OTUD4: variants seen among roughly 807,000 people sequenced by gnomAD.
The protein encoded by OTUD4 is OTU domain-containing protein 4.
Under a neutral mutation model 130.4 loss-of-function variants are expected in OTUD4, and 24 were observed. That is an observed-to-expected ratio of 0.18 (90% CI 0.13 to 0.26). The LOEUF (loss-of-function observed/expected upper bound fraction) is 0.26. Among genes scored for constraint, OTUD4 ranks in the 10% least tolerant of loss-of-function variants. The pLI, the probability that OTUD4 is intolerant of heterozygous loss-of-function variation, is 1.00. For synonymous variants in OTUD4, 420 were observed against 472.5 expected, an observed-to-expected ratio of 0.89 and a Z score of 1.44; for missense variants, 1,031 against 1,329.4, an observed-to-expected ratio of 0.78 and a Z score of 3.49.
At chr4:145,175,316 T>G (rs1275415185) in intron 1 of OTUD4, among the ~76,000 whole-genome samples, 1 of 117,766 alleles carries the variant, frequency 8.5e-6, no homozygotes, top group Admixed American at 8.1e-5. Context: ...AGAAAGAACA[T>G]CCAAGTAGGC....
At position 145,141,437 on chromosome 4, in the gene OTUD4, T is replaced by C. The variant is rs1240855826; in HGVS notation, c.2025A>G (p.Gly675=). Residue 675 remains glycine (G), a synonymous_variant, in exon 19 of 21, where the codon GGA becomes GGG. Transcript: ENST00000447906. ...LYPGFPCNEK[G]DRAIVPPYSL... Reference sequence around the variant, plus strand: ...AATAAGGTGGTACAATGGCTCGATCTCCCTTTTCATTACAAGGAAACCCAG... The same window carrying C: ...AATAAGGTGGTACAATGGCTCGATCCCCCTTTTCATTACAAGGAAACCCAG... The C allele has an allele frequency of 1.2e-6, 2 of 1,613,594 alleles. No individual in the cohort carries two copies. Among genetic ancestry groups the C allele is most frequent in the African/African-American group, 2.7e-5 (2 of 74,914 alleles).
Position 145,166,871 on chromosome 4 carries a change from T to C in OTUD4, c.295-1674A>G, listed in dbSNP as rs138198926. 2.5e-4 allele frequency among the ~76,000 whole-genome samples: 38 copies of C among 152,314 alleles called. No individual in the cohort carries two copies. The East Asian group carries it at 6.7e-3, about 27-fold the overall frequency. ...AATAATTCATGTTTCAGCCACACTA[T>C]AGAATATCATGCATTCATTCAAAAG... On this transcript the variant is annotated intron_variant, in intron 3 of 20. Coordinates refer to ENST00000447906, the MANE Select transcript of OTUD4 (RefSeq NM_001366057.1).
chr4:145,142,278 C>G lies in OTUD4; in HGVS notation c.1740G>C (p.Glu580Asp), dbSNP rs1398878661. ...SNPAPLLVSP[E>D]VHLTPAVPSL... is the part of the protein sequence containing the mutation. ...AAGGCACCGCAGGAGTTAGATGTAC[C>G]TCTGGAGAAACTAGAAGGGGAGCTG... is the stretch of plus-strand genomic sequence containing the variant. The change falls in exon 18 of 21, where the codon GAG becomes GAC. Residue 580 changes from glutamate (E) to aspartate (D), a missense_variant. Glu to Asp is a conservative substitution (Grantham distance 45). This residue lies in a region of OTUD4 where 900 missense variants were observed against 1,095.9 expected (regional missense o/e 0.82). Transcript: ENST00000447906. 1 of 1,613,864 alleles carries G rather than the reference C, an allele frequency of 6.2e-7. No homozygotes were observed. Among genetic ancestry groups the G allele is most frequent in the Admixed American group, 1.7e-5 (1 of 60,024 alleles).
rs905693301 is a variant in OTUD4, at chr4:145,164,009, T to G, written c.414+145A>C. 7.7e-6 allele frequency: 4 copies of G among 519,148 alleles called. No homozygotes were observed. The South Asian group carries it at 8.1e-5, about 11-fold the overall frequency. 32.2% of individuals were successfully genotyped at this position (519,148 alleles called of 1,614,324 possible). On this transcript the variant is annotated intron_variant, in intron 5 of 20. Coordinates refer to ENST00000447906, the MANE Select transcript of OTUD4 (RefSeq NM_001366057.1). ...AGGCATGAGCCACCGCACCCGGCTATAGGAACTTTTAAGAAATCAGAATAC... is the reference window on the plus strand; with the variant it reads ...AGGCATGAGCCACCGCACCCGGCTAGAGGAACTTTTAAGAAATCAGAATAC...
chr4:145,137,890 T>A lies in OTUD4; in HGVS notation c.2885A>T (p.His962Leu). Reference protein sequence around the residue: ...SIPPVAEGKAHPPTQILNRER... With the variant: ...SIPPVAEGKALPPTQILNRER... ...TCTGTTTAGAATCTGAGTGGGAGGA[T>A]GAGCCTTTCCCTCTGCTACAGGAGG... The change falls in exon 21 of 21, where the codon CAT becomes CTT. Residue 962 changes from histidine (H) to leucine (L), a missense_variant. His to Leu is a moderately conservative substitution (Grantham distance 99, BLOSUM62 -3). Around this residue, in one of 3 missense-constraint regions of OTUD4, gnomAD observed 900 missense variants for 1,095.9 expected, o/e 0.82. Coordinates refer to ENST00000447906, the MANE Select transcript of OTUD4 (RefSeq NM_001366057.1). The A allele has an allele frequency of 6.2e-7, 1 of 1,614,148 alleles. No individual in the cohort carries two copies. Among genetic ancestry groups the A allele is most frequent in the Non-Finnish European group, 8.5e-7 (1 of 1,180,028 alleles).
At chr4:145,169,897 C>G (rs1398791664) in intron 3 of OTUD4, among the ~76,000 whole-genome samples, 3 of 152,226 alleles carry the variant, frequency 2.0e-5, no homozygotes, top group African/African-American at 7.2e-5. Context: ...TGGAACACAG[C>G]AGTGAATAAA....
chr4:145,157,802 T>TA (rs766729476), intron 7 of OTUD4, among the ~76,000 whole-genome samples: 9 of 152,134 alleles, frequency 5.9e-5, no homozygotes, highest in Non-Finnish European at 1.2e-4. Flanking sequence ...CACATCTTCT[T>TA]ACACACCTGC....
rs778770072 is a variant in OTUD4, at chr4:145,137,524, C to T, written c.3251G>A (p.Gly1084Asp). ...TCTGACATTTCGATGGTACTGATAA[C>T]CTTCATCCCGACTTCTGCTTGGCTG... Reference protein sequence around the residue: ...KGQPSRSRDEGYQYHRNVRGR... With the variant: ...KGQPSRSRDEDYQYHRNVRGR... Residue 1084 changes from glycine to aspartate, a missense_variant, in exon 21 of 21, where the codon GGT becomes GAT. Transcript: ENST00000447906. 2 of 1,612,350 alleles carry T rather than the reference C, an allele frequency of 1.2e-6. No homozygotes were observed. The highest frequency in any genetic ancestry group is 1.1e-5 in the South Asian group (1 of 91,030).
Position 145,164,221 on chromosome 4 carries a change from T to A in OTUD4, c.347A>T (p.Asp116Val). 7.7e-7 allele frequency: 1 copy of A among 1,298,950 alleles called. No individual in the cohort carries two copies. Among genetic ancestry groups the A allele is most frequent in the Non-Finnish European group, 1.1e-6 (1 of 922,002 alleles). 80.5% of individuals were successfully genotyped at this position (1,298,950 alleles called of 1,614,324 possible). A position where few individuals can be genotyped will look rare whatever the true frequency, so the allele number is the denominator to read the frequency against. ...ISALSLMYRK[D>V]FIIYREPNVS... ...ATTTGGTTCCCGATAAATTATAAAA[T>A]CTTTCCTGAAAATAACAATTAGAAA... Residue 116 changes from aspartate to valine, a missense_variant, in exon 5 of 21, where the codon GAT becomes GTT. Coordinates refer to ENST00000447906, the MANE Select transcript of OTUD4 (RefSeq NM_001366057.1).
intron 1 of OTUD4, among the ~76,000 whole-genome samples, chr4:145,175,965 C>A (rs1330738045): frequency 6.6e-6 from 1 of 152,122 alleles, no homozygotes; most frequent in Non-Finnish European, 1.5e-5. Context: ...CTCACAAGTT[C>A]AAGCGATTCT....
In OTUD4 at chr4:145,162,741, G is replaced by A. The variant is rs374011130; in HGVS notation, c.415-20C>T. The A allele has an allele frequency of 6.8e-6, 9 of 1,326,780 alleles. No homozygotes were observed. The Admixed American group carries it at 8.0e-5, about 12-fold the overall frequency. 82.2% of individuals were successfully genotyped at this position (1,326,780 alleles called of 1,614,324 possible). Reference sequence around the variant, plus strand: ...TAACACCTGAAAGGGAAAAATAAAAGAAACATTTCAGCCCCTCATACATAT... The same window carrying A: ...TAACACCTGAAAGGGAAAAATAAAAAAAACATTTCAGCCCCTCATACATAT... On this transcript the variant is annotated intron_variant, in intron 5 of 20. Coordinates refer to ENST00000447906, the MANE Select transcript of OTUD4 (RefSeq NM_001366057.1).
intron 15 of OTUD4, 117 bp from the exon 16 acceptor site, chr4:145,144,118 G>A: frequency 2.8e-6 from 3 of 1,064,992 alleles, no homozygotes; most frequent in Non-Finnish European, 4.2e-6. Context: ...TGTTTAGTCA[G>A]TGAAAATGTA....
intron 16 of OTUD4, 51 bp downstream of exon 16, chr4:145,143,895 A>T: frequency 7.7e-7 from 1 of 1,295,946 alleles, no homozygotes; most frequent in Non-Finnish European, 1.1e-6. Flanking sequence ...CTACTGTACT[A>T]CACAGTATTA....
rs36227003 is a variant in OTUD4, at chr4:145,136,672, G to A, written c.*758C>T. On this transcript the variant is annotated 3_prime_UTR_variant, in exon 21 of 21. Coordinates refer to ENST00000447906, the MANE Select transcript of OTUD4 (RefSeq NM_001366057.1). The stretch of plus-strand genomic sequence containing the variant: ...AGTAGGCACCATGATATTTACACCA[G>A]TGCTAAGAATTCTTGGTGGAAACAG... The A allele has an allele frequency of 6.6e-6, 1 of 152,384 alleles. No individual in the cohort carries two copies. The highest frequency in any genetic ancestry group is 1.9e-4 in the East Asian group (1 of 5,190). 9.4% of individuals were successfully genotyped at this position (152,384 alleles called of 1,614,324 possible). A position where few individuals can be genotyped will look rare whatever the true frequency, so the allele number is the denominator to read the frequency against.
chr4:145,162,611 T>C, intron 6 of OTUD4, 29 bp downstream of exon 6: 1 of 1,101,824 alleles, frequency 9.1e-7, no homozygotes, highest in Non-Finnish European at 1.3e-6. Flanking sequence ...GGAATATAAT[T>C]TCCCATATAA....
At chr4:145,151,820 G>A (rs1052810092) in intron 11 of OTUD4, among the ~76,000 whole-genome samples, 1 of 152,050 alleles carries the variant, frequency 6.6e-6, no homozygotes, top group South Asian at 2.1e-4. Context: ...AAAGCCCAGC[G>A]GCAACTGAAA....
intron 11 of OTUD4, among the ~76,000 whole-genome samples, chr4:145,151,797 C>T (rs980199929): frequency 6.6e-6 from 1 of 152,076 alleles, no homozygotes; most frequent in Non-Finnish European, 1.5e-5. Context: ...GACTTACTAC[C>T]TTTTTCTCTA....
intron 2 of OTUD4, among the ~76,000 whole-genome samples, chr4:145,172,549 G>C (rs1257282862): frequency 6.6e-6 from 1 of 152,158 alleles, no homozygotes; most frequent in African/African-American, 2.4e-5. Flanking sequence ...ACTCATTTGA[G>C]AAATCTCTAA....
Position 145,141,366 on chromosome 4 carries a change from A to AC in OTUD4, c.2083+12_2083+13insG, listed in dbSNP as rs769101354. The AC allele has an allele frequency of 5.7e-6, 9 of 1,567,354 alleles. No homozygotes were observed. The highest frequency in any genetic ancestry group is 7.8e-6 in the Non-Finnish European group (9 of 1,157,324). ...CTTGATAAAGTCGATTTGAACTTGGAGAAGGAGCTCACCTTTAGGTAGGTC... is the reference window on the plus strand; with the variant it reads ...CTTGATAAAGTCGATTTGAACTTGGACGAAGGAGCTCACCTTTAGGTAGGTC... On this transcript the variant is annotated intron_variant, in intron 19 of 20. Coordinates refer to ENST00000447906, the MANE Select transcript of OTUD4 (RefSeq NM_001366057.1).
Sources: gnomAD v4.1 joint callset for allele counts (sites outside exome capture counted in the v4.1 genomes callset) on GRCh38, gnomAD v4.1.1 for gene constraint, gnomAD v4.1.1 regional missense constraint, MANE v1.5 for transcripts, NCBI Gene and HGNC (gene_info 2026-07-23, HGNC 2026-07-21) for gene names.